The following LMTK2 variants were observed in gnomAD, a reference collection of about 807,000 sequenced individuals.
LMTK2 encodes the protein serine/threonine-protein kinase LMTK2.
In LMTK2, 37 loss-of-function variants were observed where a neutral mutation model predicts 127.5. The observed-to-expected ratio is 0.29, with a 90% CI of 0.22 to 0.38. The LOEUF (loss-of-function observed/expected upper bound fraction) is 0.38. Among genes scored for constraint, LMTK2 ranks in the 10% least tolerant of loss-of-function variants. LMTK2 has a pLI of 1.00. For synonymous variants in LMTK2, 819 were observed against 810.1 expected (o/e 1.01, Z -0.19); for missense variants, 1,694 against 1,920.3 (o/e 0.88, Z 2.20).
In LMTK2 at chr7:98,171,495, TA is replaced by T; in HGVS notation, c.658-45del. The T allele has an allele frequency of 6.2e-7, 1 of 1,613,996 alleles. No individual in the cohort carries two copies. The highest frequency in any genetic ancestry group is 2.2e-5 in the East Asian group (1 of 44,880). On this transcript the variant is annotated intron_variant, in intron 6 of 13. Transcript: ENST00000297293. The surrounding 1 kb of genome is among the most constrained non-coding windows in gnomAD (Gnocchi z 5.1). ...GAGGCACGTATTTAAGCGCTCACTT[TA>T]TTCCTGTGGCTCGTTTGGAAACTCA... is the stretch of plus-strand genomic sequence containing the variant.
At position 98,140,163 on chromosome 7, in the gene LMTK2, T is replaced by TGTC. The variant is rs1562902840; in HGVS notation, c.232-1234_232-1233insGTC. On this transcript the variant is annotated intron_variant, in intron 2 of 13. Transcript: ENST00000297293. ...CTTTCTTTTCTTTTCTTTTCTTTTCTTTTCTTTTCTTTCTTTTCTTTCTTC... is the reference window on the plus strand; with the variant it reads ...CTTTCTTTTCTTTTCTTTTCTTTTCTGTCTTTCTTTTCTTTCTTTTCTTTCTTC... 2.7e-3 allele frequency among the ~76,000 whole-genome samples: 21 copies of TGTC among 7,882 alleles called. 5 individuals carry two copies. Among genetic ancestry groups the TGTC allele is most frequent in the African/African-American group, 9.9e-3 (21 of 2,128 alleles). 5.2% of individuals were successfully genotyped at this position (7,882 alleles called of 152,430 possible). A position where few individuals can be genotyped will look rare whatever the true frequency, so the allele number is the denominator to read the frequency against.
chr7:98,192,049 T>G lies in LMTK2; in HGVS notation c.1584T>G (p.Asp528Glu), dbSNP rs1461832879. 1 of 1,602,242 alleles carries G rather than the reference T, an allele frequency of 6.2e-7. No individual in the cohort carries two copies. Among genetic ancestry groups the G allele is most frequent in the East Asian group, 2.2e-5 (1 of 44,676 alleles). Residue 528 changes from aspartate (D) to glutamate (E), a missense_variant, in exon 11 of 14, where the codon GAT (aspartate) becomes GAG (glutamate). Physicochemically the swap from Asp to Glu is conservative, Grantham distance 45. Coordinates refer to ENST00000297293, the MANE Select transcript of LMTK2 (RefSeq NM_014916.4). Reference protein sequence around the residue: ...GPGKQDDSGQDVPLRVPGVVP... With the variant: ...GPGKQDDSGQEVPLRVPGVVP... ...GAAAGCAAGATGACAGCGGCCAGGA[T>G]GTCCCCCTGAGGGTCCCTGGAGTGG...
At position 98,194,991 on chromosome 7, in the gene LMTK2, G is replaced by A. The variant is rs952464331; in HGVS notation, c.4107+419G>A. Among the ~76,000 whole-genome samples the A allele has an allele frequency of 2.0e-5, 3 of 151,972 alleles. No homozygotes were observed. The highest frequency in any genetic ancestry group is 4.4e-5 in the Non-Finnish European group (3 of 67,994). On this transcript the variant is annotated intron_variant, in intron 11 of 13. Coordinates refer to ENST00000297293, the MANE Select transcript of LMTK2 (RefSeq NM_014916.4). The surrounding 1 kb of genome is among the most constrained non-coding windows in gnomAD (Gnocchi z 5.4). Reference sequence around the variant, plus strand: ...TCCTCCCACCTTCCATAATAGCTGGGCCCACAGGTTCATGCCACCATGGCT... The same window carrying A: ...TCCTCCCACCTTCCATAATAGCTGGACCCACAGGTTCATGCCACCATGGCT...
At position 98,192,230 on chromosome 7, in the gene LMTK2, C is replaced by T; in HGVS notation, c.1765C>T (p.Leu589Phe). ...PERTGPELSQ[L>F]TALRSVELEE... ...AAGGACTGGCCCTGAACTGTCCCAG[C>T]TCACGGCGCTCAGGAGCGTTGAACT... is the stretch of plus-strand genomic sequence containing the variant. The change falls in exon 11 of 14, where the codon CTC becomes TTC. Residue 589 changes from leucine to phenylalanine, a missense_variant. Around this residue, in one of 8 missense-constraint regions of LMTK2, gnomAD observed 527 missense variants for 539.8 expected, o/e 0.98. Transcript: ENST00000297293. The T allele has an allele frequency of 6.6e-7, 1 of 1,524,388 alleles. No homozygotes were observed. The allele number at this position is 1,524,388 out of a possible 1,614,324, so 94.4% of individuals were successfully genotyped here.
At chr7:98,124,988 G>A (rs1796423182) in intron 1 of LMTK2, among the ~76,000 whole-genome samples, 1 of 152,006 alleles carries the variant, frequency 6.6e-6, no homozygotes, top group South Asian at 2.1e-4. Flanking sequence ...GTGTTCCCTG[G>A]TCATTCCATA....
chr7:98,157,918 T>C (rs1397783607), intron 5 of LMTK2, among the ~76,000 whole-genome samples: 1 of 152,162 alleles, frequency 6.6e-6, no homozygotes, highest in Non-Finnish European at 1.5e-5. Flanking sequence ...CGTGCAGACC[T>C]GGCATGGAGC....
intron 3 of LMTK2, among the ~76,000 whole-genome samples, chr7:98,143,163 C>T (rs12670423): frequency 0.052 from 7,856 of 152,224 alleles, 575 homozygotes; most frequent in East Asian, 0.33. Flanking sequence ...TTTATATACA[C>T]ACCCCTTTCT....
chr7:98,204,866 A>G (rs957108377), intron 13 of LMTK2, among the ~76,000 whole-genome samples: 13 of 152,196 alleles, frequency 8.5e-5, no homozygotes, highest in Admixed American at 2.0e-4. Flanking sequence ...GCTCTTCAGC[A>G]GGCTCGTAAG....
At position 98,106,906 on chromosome 7, in the gene LMTK2, A is replaced by G. The variant is rs879716711; in HGVS notation, c.-272A>G. Reference sequence around the variant, plus strand: ...CATGGCGGCGGGAGCGCGGCTTCCCAGGCCCGCCGCTCCGCAGGGCTGCTG... The same window carrying G: ...CATGGCGGCGGGAGCGCGGCTTCCCGGGCCCGCCGCTCCGCAGGGCTGCTG... On this transcript the variant is annotated 5_prime_UTR_variant, in exon 1 of 14. Transcript: ENST00000297293. The G allele has an allele frequency of 9.0e-6, 4 of 443,848 alleles. No homozygotes were observed. Among genetic ancestry groups the G allele is most frequent in the Non-Finnish European group, 1.6e-5 (4 of 250,518 alleles). 27.5% of individuals were successfully genotyped at this position (443,848 alleles called of 1,614,324 possible).
At chr7:98,189,280 G>T (rs151147913) in intron 9 of LMTK2, among the ~76,000 whole-genome samples, 2 of 152,086 alleles carry the variant, frequency 1.3e-5, no homozygotes, top group African/African-American at 4.8e-5. Context: ...TCCTGGCTGC[G>T]CCTGCCAGGG....
chr7:98,167,132 C>T (rs984831917), intron 6 of LMTK2, among the ~76,000 whole-genome samples: 2 of 152,146 alleles, frequency 1.3e-5, no homozygotes, highest in South Asian at 2.1e-4. Flanking sequence ...TAGGGTGGGG[C>T]GGCTTTGGGA....
intron 1 of LMTK2, among the ~76,000 whole-genome samples, chr7:98,117,199 A>G (rs1015847120): frequency 6.6e-6 from 1 of 152,158 alleles, no homozygotes; most frequent in Non-Finnish European, 1.5e-5. Flanking sequence ...GTCTGTAGAC[A>G]TTCTTTGGAG....
At chr7:98,136,537 CAGCT>C (rs1433335611) in intron 1 of LMTK2, among the ~76,000 whole-genome samples, 6 of 152,194 alleles carry the variant, frequency 3.9e-5, no homozygotes, top group Admixed American at 1.3e-4. Context: ...CCAGGAAGTA[CAGCT>C]TACGTCCGTT....
At position 98,198,480 on chromosome 7, in the gene LMTK2, C is replaced by T. The variant is rs188474027; in HGVS notation, c.4107+3908C>T. ...CTGGGATTACAGGCCTGAGCTACCGCGCCTGGCCTCTTTTCTCTTTTTTTG... is the reference window on the plus strand; with the variant it reads ...CTGGGATTACAGGCCTGAGCTACCGTGCCTGGCCTCTTTTCTCTTTTTTTG... On this transcript the variant is annotated intron_variant, in intron 11 of 13. Transcript: ENST00000297293. 2.4e-3 allele frequency among the ~76,000 whole-genome samples: 368 copies of T among 152,264 alleles called. 9 individuals carry two copies. The highest frequency in any genetic ancestry group is 0.022 in the Admixed American group (343 of 15,300).
chr7:98,124,066 CTGTT>C (rs1441392907), intron 1 of LMTK2, among the ~76,000 whole-genome samples: 1 of 152,036 alleles, frequency 6.6e-6, no homozygotes, highest in Non-Finnish European at 1.5e-5. Flanking sequence ...TCCTTTATAT[CTGTT>C]TGGGTTGGGC....
chr7:98,201,759 A>T (rs545057491), intron 11 of LMTK2, among the ~76,000 whole-genome samples: 28 of 152,120 alleles, frequency 1.8e-4, no homozygotes, highest in African/African-American at 6.0e-4. Context: ...ACAGGCGTGC[A>T]CCACCACGCC....
chr7:98,149,589 T>G (rs1562905929), intron 3 of LMTK2, among the ~76,000 whole-genome samples: 1 of 152,192 alleles, frequency 6.6e-6, no homozygotes, highest in Non-Finnish European at 1.5e-5. Context: ...TGAACTTTGA[T>G]CCATACCTTG....
intron 1 of LMTK2, among the ~76,000 whole-genome samples, chr7:98,122,328 G>C (rs750912744): frequency 3.9e-5 from 6 of 152,012 alleles, no homozygotes; most frequent in Non-Finnish European, 8.8e-5. Context: ...AATCAGCATA[G>C]TACCCCATAG....
intron 3 of LMTK2, among the ~76,000 whole-genome samples, chr7:98,148,045 A>G (rs2116381094): frequency 6.6e-6 from 1 of 152,146 alleles, no homozygotes; most frequent in South Asian, 2.1e-4. Context: ...AAAATACAAA[A>G]ATTAGCCAGG....
Sources: allele counts gnomAD v4.1 joint callset (sites outside exome capture counted in the v4.1 genomes callset), GRCh38; gene constraint gnomAD v4.1.1; regional missense constraint gnomAD v4.1.1; non-coding constraint Gnocchi (gnomAD v3.1); transcripts MANE v1.5; gene names NCBI Gene and HGNC (gene_info 2026-07-23, HGNC 2026-07-21).